Variants in TAF6L observed in about 807,000 individuals in gnomAD.
TAF6L encodes the protein TATA-box binding protein associated factor 6 like.
Under a neutral mutation model 57.3 loss-of-function variants are expected in TAF6L, and 34 were observed. That is an observed-to-expected ratio of 0.59 (90% confidence interval 0.45 to 0.79). The LOEUF is 0.79. Among genes scored for constraint, TAF6L ranks in the 30% least tolerant of loss-of-function variants. The probability of loss-of-function intolerance (pLI) is 0.00; values close to 1 mark genes in which losing one functional copy is unlikely to be tolerated. For missense variants in TAF6L, 782 were observed against 853.2 expected, an observed-to-expected ratio of 0.92 and a Z score of 1.04; for synonymous variants, 417 against 376.3, an observed-to-expected ratio of 1.11 and a Z score of -1.25.
chr11:62,774,589 G>GCCTA (rs1374578922), intron 1 of TAF6L: 1 of 454,656 alleles, frequency 2.2e-6, no homozygotes, highest in Non-Finnish European at 4.4e-6. Context: ...GCGCACGGGA[G>GCCTA]CCTACCTTCT....
At position 62,782,774 on chromosome 11, in the gene TAF6L, G is replaced by A. The variant is rs545283330; in HGVS notation, c.909G>A (p.Pro303=). Residue 303 remains proline, a synonymous_variant, in exon 9 of 11, where the codon CCG becomes CCA. Transcript: ENST00000294168. Reference sequence around the variant, plus strand: ...AGATCCTGGCAGATCCTGTGCGGCCGCTCTGCTGCCACTATGGAGCCGTGG... The same window carrying A: ...AGATCCTGGCAGATCCTGTGCGGCCACTCTGCTGCCACTATGGAGCCGTGG... ...LQKILADPVR[P]LCCHYGAVVG... The A allele has an allele frequency of 2.4e-5, 39 of 1,613,464 alleles. No individual in the cohort carries two copies. Among genetic ancestry groups the A allele is most frequent in the Middle Eastern group, 1.8e-4 (1 of 5,478 alleles).
At chr11:62,776,250 A>T in intron 2 of TAF6L, 134 bp from the exon 3 acceptor site, 1 of 870,196 alleles carries the variant, frequency 1.1e-6, no homozygotes. Context: ...AGGAGCAGAG[A>T]CGGAATCTAG....
At chr11:62,784,004 C>T (rs1261532750) in intron 9 of TAF6L, among the ~76,000 whole-genome samples, 1 of 554 alleles carries the variant, frequency 1.8e-3, no homozygotes, top group African/African-American at 7.4e-3. Context: ...CACTCCAGCC[C>T]GGGCGACAGA....
rs1341653026 is a variant in TAF6L at position 62,782,213 on chromosome 11, G to A, written c.707G>A (p.Arg236His). 2.0e-5 allele frequency: 33 copies of A among 1,614,174 alleles called. No individual in the cohort carries two copies. Among genetic ancestry groups the A allele is most frequent in the Non-Finnish European group, 2.6e-5 (31 of 1,180,028 alleles). The stretch of plus-strand genomic sequence containing the variant: ...CACCTGTGCTTGGGGCCCTATGTCC[G>A]CTGTCTGGTGGGCAGTGTCCTCTAC... ...NPHLCLGPYV[R>H]CLVGSVLYCV... Residue 236 changes from arginine to histidine, a missense_variant, in exon 8 of 11, where the codon CGC (arginine) becomes CAC (histidine). Arg to His is a conservative substitution (Grantham distance 29). Around this residue, in one of 3 missense-constraint regions of TAF6L, gnomAD observed 79 missense variants for 156.0 expected, o/e 0.51. Coordinates refer to ENST00000294168, the MANE Select transcript of TAF6L (RefSeq NM_006473.4).
intron 9 of TAF6L, among the ~76,000 whole-genome samples, chr11:62,783,204 C>T (rs752284994): frequency 3.5e-4 from 53 of 152,134 alleles, no homozygotes; most frequent in African/African-American, 1.2e-3. Context: ...GTGTTGGCGC[C>T]GGGCGCAGTG....
At chr11:62,785,294 C>T (rs568250536) in intron 9 of TAF6L, among the ~76,000 whole-genome samples, 29 of 150,892 alleles carry the variant, frequency 1.9e-4, no homozygotes, top group Admixed American at 1.7e-3. Flanking sequence ...TGGGTTCAAG[C>T]GATTCTCCTG....
Position 62,786,911 on chromosome 11 carries a change from G to C in TAF6L, c.1484G>C (p.Ser495Thr), listed in dbSNP as rs1172887780. ...MPQLTASAIV[S>T]PHGDESPRGS... ...CAGCTGACGGCAAGCGCCATAGTCAGCCCGCACGGCGACGAGAGCCCCCGG... is the reference window on the plus strand; with the variant it reads ...CAGCTGACGGCAAGCGCCATAGTCACCCCGCACGGCGACGAGAGCCCCCGG... Residue 495 changes from serine (S) to threonine (T), a missense_variant, in exon 11 of 11, where the codon AGC becomes ACC. Ser to Thr is a moderately conservative substitution (Grantham distance 58, BLOSUM62 1). Around this residue, in one of 3 missense-constraint regions of TAF6L, gnomAD observed 483 missense variants for 445.1 expected, o/e 1.09. Coordinates refer to ENST00000294168, the MANE Select transcript of TAF6L (RefSeq NM_006473.4). 6.6e-7 allele frequency: 1 copy of C among 1,507,366 alleles called. No homozygotes were observed. The highest frequency in any genetic ancestry group is 8.8e-7 in the Non-Finnish European group (1 of 1,137,374). The allele number at this position is 1,507,366 out of a possible 1,614,324, so 93.4% of individuals were successfully genotyped here.
At chr11:62,771,735 C>T (rs1250389151) in intron 1 of TAF6L, 1 of 218,208 alleles carries the variant, frequency 4.6e-6, no homozygotes, top group African/African-American at 2.3e-5. Flanking sequence ...TCCTCTCCAG[C>T]GTGACTAGTG....
In TAF6L at chr11:62,787,260, G is replaced by A. The variant is rs2084292355; in HGVS notation, c.1833G>A (p.Trp611Ter). 5 of 1,565,946 alleles carry A rather than the reference G, an allele frequency of 3.2e-6. No individual in the cohort carries two copies. Among genetic ancestry groups the A allele is most frequent in the Middle Eastern group, 1.7e-4 (1 of 5,946 alleles). The change falls in exon 11 of 11, where the codon TGG becomes TGA. Residue 611 changes from tryptophan to a stop codon, truncating the protein, a stop_gained. Coordinates refer to ENST00000294168, the MANE Select transcript of TAF6L (RefSeq NM_006473.4). LOFTEE classifies it high-confidence loss of function. Reference sequence around the variant, plus strand: ...GTACCAGCCGCCCCGCCCGCCGGTGGGCGCTCTCGGACTACTCGCTGTACT... The same window carrying A: ...GTACCAGCCGCCCCGCCCGCCGGTGAGCGCTCTCGGACTACTCGCTGTACT... Reference protein sequence around the residue: ...IGRTSRPARRWALSDYSLYLP... With the variant: ...IGRTSRPARR
intron 9 of TAF6L, among the ~76,000 whole-genome samples, chr11:62,783,843 T>C (rs2084249065): frequency 6.6e-6 from 1 of 151,462 alleles, no homozygotes; most frequent in African/African-American, 2.4e-5. Flanking sequence ...GATTATGTGG[T>C]TTAATATGAC....
rs1437909025 is a variant in TAF6L, at chr11:62,781,876, C to T, written c.532-18C>T. 1 of 1,613,076 alleles carries T rather than the reference C, an allele frequency of 6.2e-7. No homozygotes were observed. Among genetic ancestry groups the T allele is most frequent in the Non-Finnish European group, 8.5e-7 (1 of 1,179,090 alleles). On this transcript the variant is annotated intron_variant, in intron 6 of 10. Coordinates refer to ENST00000294168, the MANE Select transcript of TAF6L (RefSeq NM_006473.4). ...AATTTTCTGGTGGATCCAATGCAGT[C>T]TGGGCCCTTCCTTTTAGGTTGCACT...
intron 8 of TAF6L, 115 bp downstream of exon 8, chr11:62,782,448 T>C (rs1242955269): frequency 1.6e-6 from 2 of 1,215,224 alleles, no homozygotes; most frequent in African/African-American, 1.5e-5. Context: ...GGGGAACCTT[T>C]TCCCTAGGAG....
chr11:62,775,948 CCT>C lies in TAF6L; in HGVS notation c.147+19_147+20del, dbSNP rs752715012. The stretch of plus-strand genomic sequence containing the variant: ...CCACGCAGGTACACTCCCCTCACCC[CCT>C]GATACCTCCAACTTTCCTTGTTTCT... On this transcript the variant is annotated intron_variant, in intron 2 of 10. Coordinates refer to ENST00000294168, the MANE Select transcript of TAF6L (RefSeq NM_006473.4). 1.4e-4 allele frequency: 216 copies of C among 1,584,158 alleles called. No individual in the cohort carries two copies. The highest frequency in any genetic ancestry group is 1.7e-4 in the Non-Finnish European group (202 of 1,164,272).
Position 62,775,961 on chromosome 11 carries a change from A to T in TAF6L, c.147+31A>T, listed in dbSNP as rs746056463. On this transcript the variant is annotated intron_variant, in intron 2 of 10. Coordinates refer to ENST00000294168, the MANE Select transcript of TAF6L (RefSeq NM_006473.4). ...CTCCCCTCACCCCCTGATACCTCCA[A>T]CTTTCCTTGTTTCTGCCTTTTTACT... is the stretch of plus-strand genomic sequence containing the variant. 3.8e-6 allele frequency: 6 copies of T among 1,574,092 alleles called. No homozygotes were observed. The Admixed American group carries it at 5.6e-5, about 15-fold the overall frequency.
chr11:62,779,976 A>ATATATATATATATATTTTTTTTTTT (rs1294367864), intron 6 of TAF6L, among the ~76,000 whole-genome samples: 5 of 52,626 alleles, frequency 9.5e-5, no homozygotes, highest in Non-Finnish European at 1.8e-4. Flanking sequence ...ATATATATAT[A>ATATATATATATATATTTTTTTTTTT]TTTTTTTTTT....
In TAF6L at chr11:62,782,330, TCTG is replaced by T; in HGVS notation, c.825_827del (p.Phe275_Trp276delinsLeu). 1 of 1,613,220 alleles carries T rather than the reference TCTG, an allele frequency of 6.2e-7. No homozygotes were observed. Among genetic ancestry groups the T allele is most frequent in the Non-Finnish European group, 8.5e-7 (1 of 1,179,916 alleles). ...GCTGCCCTCCTGCTCAGCCACATCT[TCTG>T]GTAGCCACTGGGCCTAAACCTGCGG... On this transcript the variant is annotated inframe_deletion and splice_region_variant, in exon 8 of 11. Coordinates refer to ENST00000294168, the MANE Select transcript of TAF6L (RefSeq NM_006473.4).
Position 62,778,136 on chromosome 11 carries a change from C to T in TAF6L, c.385+8C>T. ...CTGAGACAGCTGTCAGAGGTGGCTG[C>T]CGGGGTCCTGCATGGGTTGGGGATG... On this transcript the variant is annotated splice_region_variant and intron_variant, in intron 4 of 10. Coordinates refer to ENST00000294168, the MANE Select transcript of TAF6L (RefSeq NM_006473.4). 1.9e-6 allele frequency: 3 copies of T among 1,614,082 alleles called. No homozygotes were observed. In the South Asian group the frequency reaches 3.3e-5, roughly 18 times the overall value.
chr11:62,780,283 G>A (rs1240875752), intron 6 of TAF6L, among the ~76,000 whole-genome samples: 1 of 150,624 alleles, frequency 6.6e-6, no homozygotes, highest in Non-Finnish European at 1.5e-5. Context: ...ACACCACTCA[G>A]GTGGATCACC....
chr11:62,782,382 G>T, intron 8 of TAF6L, 49 bp downstream of exon 8: 1 of 1,583,746 alleles, frequency 6.3e-7, no homozygotes, highest in South Asian at 1.1e-5. Flanking sequence ...AGAGCCAAGT[G>T]GGTTGGGGTA....
Sources: gnomAD v4.1 joint callset for allele counts (sites outside exome capture counted in the v4.1 genomes callset) on GRCh38, gnomAD v4.1.1 for gene constraint, gnomAD v4.1.1 regional missense constraint, MANE v1.5 for transcripts, NCBI Gene and HGNC (gene_info 2026-07-23, HGNC 2026-07-21) for gene names.